Variants in CNOT6L observed in about 807,000 individuals in gnomAD.
CNOT6L encodes the protein CCR4-NOT transcription complex subunit 6 like, also known as CCR4-NOT transcription complex subunit 6-like.
CNOT6L carries 7 observed loss-of-function variants against 64.0 expected under a neutral mutation model. The observed-to-expected ratio is 0.11, with a 90% confidence interval of 0.06 to 0.21. CNOT6L has a LOEUF of 0.21. Among genes scored for constraint, CNOT6L ranks in the 10% least tolerant of loss-of-function variants. The probability of loss-of-function intolerance (pLI) is 1.00; values close to 1 mark genes in which losing one functional copy is unlikely to be tolerated. For synonymous variants in CNOT6L, 193 were observed against 243.4 expected (o/e 0.79, Z 1.93); for missense variants, 245 against 669.0 (o/e 0.37, Z 6.99).
intron 1 of CNOT6L, among the ~76,000 whole-genome samples, chr4:77,799,107 C>G (rs963101289): frequency 6.6e-6 from 1 of 151,468 alleles, no homozygotes. Flanking sequence ...GTTCTTAGAG[C>G]TTTATTTATA....
chr4:77,765,242 C>T (rs559476610), intron 4 of CNOT6L, among the ~76,000 whole-genome samples: 1 of 152,272 alleles, frequency 6.6e-6, no homozygotes, highest in South Asian at 2.1e-4. Context: ...ATGAAAAAAT[C>T]ACCCCTTGTT....
chr4:77,763,716 T>C (rs1726497037), intron 4 of CNOT6L, among the ~76,000 whole-genome samples: 1 of 152,104 alleles, frequency 6.6e-6, no homozygotes, highest in Non-Finnish European at 1.5e-5. Context: ...CAGATACAGG[T>C]TGAACATTTA....
intron 1 of CNOT6L, among the ~76,000 whole-genome samples, chr4:77,814,229 A>T (rs1451808516): frequency 6.6e-6 from 1 of 152,196 alleles, no homozygotes; most frequent in Non-Finnish European, 1.5e-5. Context: ...TAAGAGAATG[A>T]AGGGTGACTC....
chr4:77,797,430 G>A (rs890121184), intron 1 of CNOT6L, among the ~76,000 whole-genome samples: 1 of 152,162 alleles, frequency 6.6e-6, no homozygotes, highest in African/African-American at 2.4e-5. Context: ...AGTCCTGCTT[G>A]GACATGATTC....
chr4:77,728,885 T>C lies in CNOT6L; in HGVS notation c.1221A>G (p.Leu407=), dbSNP rs1212315823. 4 of 1,613,518 alleles carry C rather than the reference T, an allele frequency of 2.5e-6. No homozygotes were observed. The highest frequency in any genetic ancestry group is 1.3e-5 in the African/African-American group (1 of 74,886). Residue 407 remains leucine, a synonymous_variant, in exon 10 of 12, where the codon CTA becomes CTG. Transcript: ENST00000504123. ...CTGGCAATGAGTTAAGATCTGCACA[T>C]AGCACCAGCGGGATGGAATTAGGAT... is the stretch of plus-strand genomic sequence containing the variant. The part of the protein sequence containing the change: ...TADPNSIPLV[L]CADLNSLPDS...
intron 5 of CNOT6L, among the ~76,000 whole-genome samples, chr4:77,749,622 A>G (rs535221924): frequency 5.4e-4 from 83 of 152,336 alleles, no homozygotes; most frequent in South Asian, 1.4e-3. Context: ...AGTATAACGC[A>G]ATCAACAATA....
At chr4:77,790,807 C>T (rs917020126) in intron 1 of CNOT6L, among the ~76,000 whole-genome samples, 1 of 147,544 alleles carries the variant, frequency 6.8e-6, no homozygotes, top group Non-Finnish European at 1.5e-5. Context: ...CACCACTGCG[C>T]CTGGCTGATT....
chr4:77,819,028 TCCCGGC>T (rs1265249933), intron 1 of CNOT6L: 24 of 610,392 alleles, frequency 3.9e-5, no homozygotes, highest in Non-Finnish European at 2.9e-6. Flanking sequence ...CACTCTGGGG[TCCCGGC>T]CCCGGGCCAC....
intron 1 of CNOT6L, among the ~76,000 whole-genome samples, chr4:77,785,017 G>A (rs186628413): frequency 2.3e-4 from 35 of 152,264 alleles, no homozygotes; most frequent in African/African-American, 6.3e-4. Flanking sequence ...AGATGTGCAC[G>A]CTATCTGATT....
At chr4:77,731,731 G>C (rs1170770955) in intron 8 of CNOT6L, 193 bp from the exon 9 acceptor site, 3 of 477,528 alleles carry the variant, frequency 6.3e-6, no homozygotes, top group Non-Finnish European at 1.1e-5. Context: ...ACCTAACAAA[G>C]ACAGCATATA....
intron 1 of CNOT6L, among the ~76,000 whole-genome samples, chr4:77,789,164 A>G (rs1001613622): frequency 6.6e-6 from 1 of 152,128 alleles, no homozygotes; most frequent in Admixed American, 6.5e-5. Flanking sequence ...GCTGTCTCCC[A>G]AACTGTTAAA....
intron 5 of CNOT6L, 98 bp downstream of exon 5, chr4:77,756,764 G>A: frequency 1.5e-6 from 1 of 680,444 alleles, no homozygotes; most frequent in Non-Finnish European, 2.5e-6. Context: ...AAACCCATAG[G>A]CAATTATAAA....
chr4:77,742,051 GA>G, intron 8 of CNOT6L, 89 bp downstream of exon 8: 1 of 1,217,056 alleles, frequency 8.2e-7, no homozygotes, highest in Non-Finnish European at 1.1e-6. Context: ...GCTTTCTGTT[GA>G]TTTTATAGGG....
At chr4:77,787,712 AATG>A (rs1206430415) in intron 1 of CNOT6L, among the ~76,000 whole-genome samples, 3 of 152,342 alleles carry the variant, frequency 2.0e-5, no homozygotes, top group Non-Finnish European at 4.4e-5. Context: ...AGGTGCAGCA[AATG>A]ATGATGACAA....
In CNOT6L at chr4:77,754,663, CTT is replaced by C. The variant is rs1560590383; in HGVS notation, c.490+2197_490+2198del. 6.6e-5 allele frequency among the ~76,000 whole-genome samples: 10 copies of C among 151,816 alleles called. No individual in the cohort carries two copies. In the South Asian group the frequency reaches 2.1e-3, roughly 31 times the overall value. ...AGACTTACTCTACTGGATCTCAAGA[CTT>C]TTTATAAAGCTGTCCATAATTAAAC... is the stretch of plus-strand genomic sequence containing the variant. On this transcript the variant is annotated intron_variant, in intron 5 of 11. Coordinates refer to ENST00000504123, the MANE Select transcript of CNOT6L (RefSeq NM_144571.3).
At position 77,743,529 on chromosome 4, in the gene CNOT6L, T is replaced by G. The variant is rs111961066; in HGVS notation, c.717+1189A>C. 1.6e-3 allele frequency among the ~76,000 whole-genome samples: 238 copies of G among 151,682 alleles called. 2 individuals carry two copies. Among genetic ancestry groups the G allele is most frequent in the African/African-American group, 5.1e-3 (213 of 41,366 alleles). ...CTACTCTGTTACATAAAAAAATTTT[T>G]AATAATTTTTCCTCTCAGGCTATGA... On this transcript the variant is annotated intron_variant, in intron 7 of 11. Coordinates refer to ENST00000504123, the MANE Select transcript of CNOT6L (RefSeq NM_144571.3).
chr4:77,811,039 G>C (rs181648635), intron 1 of CNOT6L, among the ~76,000 whole-genome samples: 15 of 152,164 alleles, frequency 9.9e-5, no homozygotes, highest in African/African-American at 3.1e-4. Flanking sequence ...TCACTTCTTT[G>C]TAAGTCCATG....
chr4:77,769,690 A>T (rs1044461635), intron 4 of CNOT6L, among the ~76,000 whole-genome samples: 1 of 152,136 alleles, frequency 6.6e-6, no homozygotes, highest in Non-Finnish European at 1.5e-5. Context: ...TATTCATTTA[A>T]TTATTTTCTT....
rs920268392 is a variant in CNOT6L, at chr4:77,812,098, T to G, written c.5+7206A>C. Reference sequence around the variant, plus strand: ...AAAGCAGAATTGAAACTTCATTTGTTTGCAGGTGACATGATATTTGTATGT... The same window carrying G: ...AAAGCAGAATTGAAACTTCATTTGTGTGCAGGTGACATGATATTTGTATGT... On this transcript the variant is annotated intron_variant, in intron 1 of 11. Coordinates refer to ENST00000504123, the MANE Select transcript of CNOT6L (RefSeq NM_144571.3). Among the ~76,000 whole-genome samples the G allele has an allele frequency of 1.3e-5, 2 of 152,172 alleles. 1 individual carries two copies. Among genetic ancestry groups the G allele is most frequent in the Admixed American group, 1.3e-4 (2 of 15,286 alleles).
Sources: gnomAD v4.1 joint callset for allele counts (sites outside exome capture counted in the v4.1 genomes callset) on GRCh38, gnomAD v4.1.1 for gene constraint, MANE v1.5 for transcripts, NCBI Gene and HGNC (gene_info 2026-07-23, HGNC 2026-07-21) for gene names.